The following RUFY1 variants were observed in gnomAD, a reference collection of about 807,000 sequenced individuals.
The protein encoded by RUFY1 is RUN and FYVE domain-containing protein 1.
RUFY1 carries 54 observed loss-of-function variants against 94.6 expected under a neutral mutation model. The observed-to-expected ratio is 0.57, with a 90% CI of 0.46 to 0.72. The LOEUF is 0.72. RUFY1 is among the 30% of genes least tolerant of loss of function. The pLI is 0.00. For synonymous variants in RUFY1, 396 were observed against 347.3 expected (o/e 1.14, Z -1.56); for missense variants, 883 against 883.9 (o/e 1.00, Z 0.01).
At chr5:179,579,754 C>T (rs941988441) in intron 6 of RUFY1, among the ~76,000 whole-genome samples, 5 of 146,532 alleles carry the variant, frequency 3.4e-5, no homozygotes, top group African/African-American at 1.0e-4. Flanking sequence ...ACCTCTGCCT[C>T]CCGAGTTCAA....
At chr5:179,596,188 G>C (rs190522944) in intron 12 of RUFY1, 301 of 315,250 alleles carry the variant, frequency 9.5e-4, no homozygotes, top group Non-Finnish European at 1.7e-3. Context: ...CTTTCAGGAC[G>C]TTCAGAGAGG....
chr5:179,565,661 TTGTC>T (rs1442860945), intron 3 of RUFY1, among the ~76,000 whole-genome samples: 13 of 152,354 alleles, frequency 8.5e-5, no homozygotes, highest in East Asian at 1.9e-4. Flanking sequence ...TAATATTCTG[TTGTC>T]TGTCTAATTT....
intron 13 of RUFY1, among the ~76,000 whole-genome samples, chr5:179,598,059 G>A (rs746492681): frequency 1.3e-5 from 2 of 152,176 alleles, no homozygotes; most frequent in Non-Finnish European, 2.9e-5. Context: ...GCGTGGTGGC[G>A]TGTGCCTGTA....
intron 1 of RUFY1, among the ~76,000 whole-genome samples, chr5:179,556,264 A>G (rs546121279): frequency 1.3e-5 from 2 of 152,234 alleles, no homozygotes; most frequent in Non-Finnish European, 2.9e-5. Flanking sequence ...CACTTCTGCC[A>G]TAGAATTAAT....
At chr5:179,578,461 C>T (rs1330828943) in intron 6 of RUFY1, among the ~76,000 whole-genome samples, 1 of 151,894 alleles carries the variant, frequency 6.6e-6, no homozygotes, top group Non-Finnish European at 1.5e-5. Context: ...TCAGGTGATC[C>T]ACCTGCGTCG....
At chr5:179,574,358 G>GCACTC (rs1223478985) in intron 5 of RUFY1, among the ~76,000 whole-genome samples, 1 of 152,146 alleles carries the variant, frequency 6.6e-6, no homozygotes, top group Non-Finnish European at 1.5e-5. Context: ...CCGTGCCACT[G>GCACTC]CACTCCACTC....
intron 4 of RUFY1, 84 bp from the exon 5 acceptor site, chr5:179,569,218 G>A (rs1323165499): frequency 6.2e-7 from 1 of 1,604,950 alleles, no homozygotes; most frequent in African/African-American, 1.3e-5. Flanking sequence ...CAGGGCACAG[G>A]TGAAAAGGCA....
chr5:179,567,409 C>T (rs1762908308), intron 3 of RUFY1, 52 bp from the exon 4 acceptor site: 2 of 1,353,418 alleles, frequency 1.5e-6, no homozygotes, highest in Non-Finnish European at 2.1e-6. Context: ...GGTGTCTTTT[C>T]TGTGTTTGTT....
chr5:179,550,587 C>G lies in RUFY1; in HGVS notation c.18C>G (p.Gly6=). Reference sequence around the variant, plus strand: ...CGGCCAAGATGGCCGACCGGGAAGGCGGCTGCGCTGCTGGGCGGGGGCGGG... The same window carrying G: ...CGGCCAAGATGGCCGACCGGGAAGGGGGCTGCGCTGCTGGGCGGGGGCGGG... The part of the protein sequence containing the change: MADRE[G]GCAAGRGREL... Residue 6 remains glycine (G), a synonymous_variant, in exon 1 of 18, where the codon GGC becomes GGG. Coordinates refer to ENST00000319449, the MANE Select transcript of RUFY1 (RefSeq NM_025158.5). The G allele has an allele frequency of 6.1e-6, 8 of 1,319,896 alleles. No individual in the cohort carries two copies. The highest frequency in any genetic ancestry group is 3.3e-5 in the Admixed American group (1 of 30,242). 81.8% of individuals were successfully genotyped at this position (1,319,896 alleles called of 1,614,324 possible).
At chr5:179,567,602 A>G (rs757700735) in intron 4 of RUFY1, 40 bp downstream of exon 4, 7 of 1,453,866 alleles carry the variant, frequency 4.8e-6, no homozygotes, top group Non-Finnish European at 6.8e-6. Flanking sequence ...TTGCTTGGTA[A>G]ATAATTAGAA....
chr5:179,587,760 G>A (rs542342231), intron 8 of RUFY1, among the ~76,000 whole-genome samples: 1 of 151,764 alleles, frequency 6.6e-6, no homozygotes, highest in South Asian at 2.1e-4. Context: ...GGCAGGTGTG[G>A]TGGCTCATGC....
At chr5:179,603,917 C>T (rs1766731246) in intron 15 of RUFY1, among the ~76,000 whole-genome samples, 1 of 152,078 alleles carries the variant, frequency 6.6e-6, no homozygotes, top group South Asian at 2.1e-4. Flanking sequence ...ATTAGCCGGG[C>T]ATGGTGGAGC....
At chr5:179,580,462 T>A (rs1764063850) in intron 6 of RUFY1, among the ~76,000 whole-genome samples, 1 of 151,566 alleles carries the variant, frequency 6.6e-6, no homozygotes, top group African/African-American at 2.4e-5. Context: ...CAGGATGGTC[T>A]CCATCTCCTG....
chr5:179,565,164 C>CTTT (rs138223106), intron 3 of RUFY1, among the ~76,000 whole-genome samples: 17 of 71,936 alleles, frequency 2.4e-4, no homozygotes, highest in African/African-American at 4.0e-4. Flanking sequence ...TCTAGGTTTT[C>CTTT]TTTTTTTTTT....
At chr5:179,558,528 C>T (rs1762222636) in intron 1 of RUFY1, among the ~76,000 whole-genome samples, 1 of 151,396 alleles carries the variant, frequency 6.6e-6, no homozygotes, top group Non-Finnish European at 1.5e-5. Context: ...GCCGAGATGG[C>T]GCCATTGCAC....
At chr5:179,592,126 G>GA (rs1765168987) in intron 10 of RUFY1, among the ~76,000 whole-genome samples, 1 of 147,538 alleles carries the variant, frequency 6.8e-6, no homozygotes, top group Non-Finnish European at 1.5e-5. Context: ...TTGGTTTTTG[G>GA]TTTTTTTTTT....
At chr5:179,595,432 C>A (rs1765536831) in intron 12 of RUFY1, among the ~76,000 whole-genome samples, 1 of 151,822 alleles carries the variant, frequency 6.6e-6, no homozygotes. Flanking sequence ...ATATGGACAG[C>A]AAAAAAGTAC....
intron 1 of RUFY1, among the ~76,000 whole-genome samples, chr5:179,551,123 AC>A (rs1761821939): frequency 6.6e-6 from 1 of 152,042 alleles, no homozygotes; most frequent in African/African-American, 2.4e-5. Context: ...TCTCCCACTA[AC>A]TAGGTGAAGG....
At chr5:179,590,675 G>C (rs1373455114) in intron 9 of RUFY1, among the ~76,000 whole-genome samples, 1 of 151,858 alleles carries the variant, frequency 6.6e-6, no homozygotes, top group Non-Finnish European at 1.5e-5. Flanking sequence ...TTTTAGTAGA[G>C]ACGGGGTTTC....
Sources: allele counts gnomAD v4.1 joint callset (sites outside exome capture counted in the v4.1 genomes callset), GRCh38; gene constraint gnomAD v4.1.1; transcripts MANE v1.5; gene names NCBI Gene and HGNC (gene_info 2026-07-23, HGNC 2026-07-21).